Variants in TCF7L1 observed in about 807,000 individuals in gnomAD.
TCF7L1 encodes the protein transcription factor 7-like 1.
In TCF7L1, 18 loss-of-function variants were observed where a neutral mutation model predicts 63.7. The ratio of observed to expected loss-of-function variants is 0.28; its 90% CI spans 0.20 to 0.42. TCF7L1 has a LOEUF of 0.42. Ranked by LOEUF, TCF7L1 falls within the 10% of genes least tolerant of loss-of-function variation. The pLI is 1.00. For missense variants in TCF7L1, 654 were observed against 779.3 expected (o/e 0.84, Z 1.91); for synonymous variants, 355 against 340.9 (o/e 1.04, Z -0.46).
intron 3 of TCF7L1, among the ~76,000 whole-genome samples, chr2:85,277,767 G>A (rs951540109): frequency 6.6e-6 from 1 of 152,232 alleles, no homozygotes; most frequent in African/African-American, 2.4e-5. Context: ...CAACTGTGGG[G>A]AGCTGTGGAT....
chr2:85,196,834 A>G (rs1396298387), intron 3 of TCF7L1, among the ~76,000 whole-genome samples: 2 of 152,180 alleles, frequency 1.3e-5, no homozygotes, highest in African/African-American at 2.4e-5. Flanking sequence ...GCCTTGCTTT[A>G]TGTCACCCAG....
chr2:85,298,970 C>A (rs537696496), intron 4 of TCF7L1, among the ~76,000 whole-genome samples: 1 of 151,962 alleles, frequency 6.6e-6, no homozygotes, highest in African/African-American at 2.4e-5. Context: ...TAGTGGGAAA[C>A]GGTAAGAACT....
At chr2:85,144,892 T>G (rs932103783) in intron 3 of TCF7L1, among the ~76,000 whole-genome samples, 2 of 152,000 alleles carry the variant, frequency 1.3e-5, no homozygotes, top group Admixed American at 6.6e-5. Flanking sequence ...AAGACTAGCT[T>G]GGCCACCATG....
intron 3 of TCF7L1, among the ~76,000 whole-genome samples, chr2:85,206,719 G>A (rs1351010222): frequency 7.9e-5 from 12 of 152,168 alleles, no homozygotes; most frequent in Admixed American, 6.5e-4. Context: ...GAAGTCCAGA[G>A]ATAATGCCTC....
intron 3 of TCF7L1, among the ~76,000 whole-genome samples, chr2:85,266,095 G>C (rs948153405): frequency 6.6e-6 from 1 of 152,138 alleles, no homozygotes; most frequent in Non-Finnish European, 1.5e-5. Flanking sequence ...TCACTTAACA[G>C]TGTAAACACC....
intron 3 of TCF7L1, among the ~76,000 whole-genome samples, chr2:85,203,525 A>G (rs1243497709): frequency 2.0e-5 from 3 of 152,142 alleles, no homozygotes; most frequent in Non-Finnish European, 4.4e-5. Context: ...CCAGGAGTTC[A>G]AGACCAGCCT....
intron 3 of TCF7L1, among the ~76,000 whole-genome samples, chr2:85,173,779 T>C (rs1162176622): frequency 6.6e-6 from 1 of 151,334 alleles, no homozygotes; most frequent in Non-Finnish European, 1.5e-5. Flanking sequence ...CTCTGTTGCC[T>C]AGGCTGGAGT....
chr2:85,251,773 C>T (rs1359046802), intron 3 of TCF7L1, among the ~76,000 whole-genome samples: 2 of 152,156 alleles, frequency 1.3e-5, no homozygotes, highest in Non-Finnish European at 2.9e-5. Context: ...ATTCCGATTG[C>T]AATTCAGAGA....
At chr2:85,227,272 C>T (rs1030406079) in intron 3 of TCF7L1, among the ~76,000 whole-genome samples, 2 of 152,136 alleles carry the variant, frequency 1.3e-5, no homozygotes, top group African/African-American at 2.4e-5. Context: ...TGTCAAACCC[C>T]CTCTGAACTC....
chr2:85,193,449 C>G (rs1679083570), intron 3 of TCF7L1, among the ~76,000 whole-genome samples: 1 of 152,046 alleles, frequency 6.6e-6, no homozygotes. Context: ...CTTTGGGAGG[C>G]CAAGGTGGCA....
At position 85,207,807 on chromosome 2, in the gene TCF7L1, C is replaced by T. The variant is rs112315732; in HGVS notation, c.441+73357C>T. ...CAACACTGTTATTAAAAAGGCTTTG[C>T]GTTAGGTGTTTTTGCCCAACTGTAG... On this transcript the variant is annotated intron_variant, in intron 3 of 11. Transcript: ENST00000282111. 3.9e-3 allele frequency among the ~76,000 whole-genome samples: 587 copies of T among 152,138 alleles called. 3 individuals are homozygous for T. The highest frequency in any genetic ancestry group is 0.013 in the African/African-American group (535 of 41,506).
At chr2:85,265,182 T>C (rs535269571) in intron 3 of TCF7L1, among the ~76,000 whole-genome samples, 11 of 151,974 alleles carry the variant, frequency 7.2e-5, no homozygotes, top group Non-Finnish European at 1.2e-4. Flanking sequence ...AGGAAGGTCA[T>C]CTTTGAAAGA....
At chr2:85,195,777 G>A (rs980397284) in intron 3 of TCF7L1, among the ~76,000 whole-genome samples, 3 of 151,994 alleles carry the variant, frequency 2.0e-5, no homozygotes. Context: ...ATAATCCTGG[G>A]CTCAAGCCAT....
chr2:85,305,282 C>T lies in TCF7L1; in HGVS notation c.868C>T (p.Pro290Ser). 6.2e-7 allele frequency: 1 copy of T among 1,614,106 alleles called. No homozygotes were observed. Among genetic ancestry groups the T allele is most frequent in the South Asian group, 1.1e-5 (1 of 91,074 alleles). The change falls in exon 8 of 12, where the codon CCT (proline) becomes TCT (serine). Residue 290 changes from proline (P) to serine (S), a missense_variant. This residue lies in a region of TCF7L1 where 404 missense variants were observed against 454.8 expected (regional missense o/e 0.89). Transcript: ENST00000282111. ...CAGCCTGGTCTCCAGTCGGTTCTCT[C>T]CTCACATGGTGGCTCCTGCCCACCC... ...MSSLVSSRFS[P>S]HMVAPAHPGL...
chr2:85,249,445 T>G (rs968006749), intron 3 of TCF7L1, among the ~76,000 whole-genome samples: 1 of 152,216 alleles, frequency 6.6e-6, no homozygotes, highest in African/African-American at 2.4e-5. Flanking sequence ...GTTTGTTCTT[T>G]CCTAATTGCA....
At chr2:85,173,885 C>T (rs1323586002) in intron 3 of TCF7L1, among the ~76,000 whole-genome samples, 1 of 152,056 alleles carries the variant, frequency 6.6e-6, no homozygotes, top group East Asian at 1.9e-4. Flanking sequence ...TACAGACCCG[C>T]ACCACCACGC....
In TCF7L1 at chr2:85,241,830, TAAAA is replaced by T. The variant is rs923039544; in HGVS notation, c.442-41661_442-41658del. Among the ~76,000 whole-genome samples, 43 of 152,070 alleles carry T rather than the reference TAAAA, an allele frequency of 2.8e-4. 1 individual carries two copies. The highest frequency in any genetic ancestry group is 2.1e-4 in the South Asian group (1 of 4,818). On this transcript the variant is annotated intron_variant, in intron 3 of 11. Coordinates refer to ENST00000282111, the MANE Select transcript of TCF7L1 (RefSeq NM_031283.3). Reference sequence around the variant, plus strand: ...TATTTTATTGACTTCCTTAGAAACTTAAAAAAAGAAATTAAATACAGCCACTGTT... The same window carrying T: ...TATTTTATTGACTTCCTTAGAAACTTAAAGAAATTAAATACAGCCACTGTT...
At chr2:85,166,176 T>C (rs987417361) in intron 3 of TCF7L1, among the ~76,000 whole-genome samples, 2 of 151,962 alleles carry the variant, frequency 1.3e-5, no homozygotes, top group African/African-American at 4.8e-5. Context: ...GGGCTGGAGG[T>C]AGAGATTTGA....
chr2:85,264,018 G>A (rs932713973), intron 3 of TCF7L1, among the ~76,000 whole-genome samples: 13 of 152,214 alleles, frequency 8.5e-5, no homozygotes, highest in African/African-American at 2.4e-4. Context: ...GCAGTGGGCC[G>A]AATGATTGGA....
Sources: gnomAD v4.1 joint callset for allele counts (sites outside exome capture counted in the v4.1 genomes callset) on GRCh38, gnomAD v4.1.1 for gene constraint, gnomAD v4.1.1 regional missense constraint, MANE v1.5 for transcripts, NCBI Gene and HGNC (gene_info 2026-07-23, HGNC 2026-07-21) for gene names.